Variants in RNF6 observed in about 807,000 individuals in gnomAD.
RNF6 encodes ring finger protein 6.
In RNF6, 21 loss-of-function variants were observed where a neutral mutation model predicts 50.1. The ratio of observed to expected loss-of-function variants is 0.42; its 90% CI spans 0.30 to 0.60. RNF6 has a LOEUF of 0.60. Ranked by LOEUF, RNF6 falls within the 20% of genes least tolerant of loss-of-function variation. RNF6 has a pLI of 0.20. For missense variants in RNF6, 698 were observed against 838.2 expected, an observed-to-expected ratio of 0.83 and a Z score of 2.07; for synonymous variants, 255 against 291.8, an observed-to-expected ratio of 0.87 and a Z score of 1.29.
At chr13:26,217,974 T>G (rs768002985) in intron 4 of RNF6, among the ~76,000 whole-genome samples, 1 of 152,244 alleles carries the variant, frequency 6.6e-6, no homozygotes, top group Non-Finnish European at 1.5e-5. Flanking sequence ...TATGTGAAAC[T>G]ACTAATAAAT....
intron 5 of RNF6, among the ~76,000 whole-genome samples, chr13:26,149,512 G>A (rs574676891): frequency 2.6e-5 from 4 of 151,994 alleles, no homozygotes; most frequent in South Asian, 2.1e-4. Context: ...GCGTGAACCC[G>A]GGAGGCGGAG....
At position 26,217,322 on chromosome 13, in the gene RNF6, T is replaced by C. The variant is rs1296291474; in HGVS notation, c.289+1189A>G. Among the ~76,000 whole-genome samples the C allele has an allele frequency of 3.3e-5, 5 of 152,236 alleles. No individual in the cohort carries two copies. In the East Asian group the frequency reaches 9.6e-4, roughly 29 times the overall value. ...TGAATTATTTTAAATGCTACTTCCTTCTTTGATTAACATTTGATTAAGTGT... is the reference window on the plus strand; with the variant it reads ...TGAATTATTTTAAATGCTACTTCCTCCTTTGATTAACATTTGATTAAGTGT... On this transcript the variant is annotated intron_variant, in intron 4 of 4. Transcript: ENST00000381588.
chr13:26,218,374 A>G (rs1370050002), intron 4 of RNF6, 137 bp downstream of exon 4: 10 of 642,866 alleles, frequency 1.6e-5, no homozygotes, highest in Non-Finnish European at 2.2e-5. Context: ...TTTACTACTC[A>G]TATATATATT....
chr13:26,205,989 A>G (rs1566433398), intron 5 of RNF6, among the ~76,000 whole-genome samples: 1 of 152,194 alleles, frequency 6.6e-6, no homozygotes, highest in Non-Finnish European at 1.5e-5. Flanking sequence ...CTCCAGCCTG[A>G]GAGACAGAGT....
Position 26,214,626 on chromosome 13 carries a change from T to C in RNF6, c.1256A>G (p.Asn419Ser). ...TAGCCCTACTCTGGATCGAGTTCTA[T>C]TTGCAATACTATCCCGATCTCTATT... is the stretch of plus-strand genomic sequence containing the variant. Reference protein sequence around the residue: ...GENRDRDSIANRTRSRVGLAE... With the variant: ...GENRDRDSIASRTRSRVGLAE... The change falls in exon 5 of 5, where the codon AAT becomes AGT. Residue 419 changes from asparagine to serine, a missense_variant. Physicochemically the swap from Asn to Ser is conservative, Grantham distance 46 (BLOSUM62 1). Coordinates refer to ENST00000381588, the MANE Select transcript of RNF6 (RefSeq NM_005977.4). 6.2e-7 allele frequency: 1 copy of C among 1,614,220 alleles called. No individual in the cohort carries two copies. The highest frequency in any genetic ancestry group is 1.3e-5 in the African/African-American group (1 of 75,050).
intron 5 of RNF6, among the ~76,000 whole-genome samples, chr13:26,182,990 T>G (rs1018965560): frequency 6.6e-6 from 1 of 152,222 alleles, no homozygotes; most frequent in African/African-American, 2.4e-5. Flanking sequence ...TTGTACCCTT[T>G]GGATACTGTG....
At chr13:26,180,250 C>T (rs1195519865) in intron 5 of RNF6, among the ~76,000 whole-genome samples, 2 of 152,154 alleles carry the variant, frequency 1.3e-5, no homozygotes, top group Non-Finnish European at 2.9e-5. Context: ...AGCATGTACA[C>T]CTATGCTGGG....
At chr13:26,181,869 G>T (rs1481487505) in intron 5 of RNF6, among the ~76,000 whole-genome samples, 1 of 152,124 alleles carries the variant, frequency 6.6e-6, no homozygotes, top group Non-Finnish European at 1.5e-5. Flanking sequence ...GACAAGAGCT[G>T]GTGCCTCCTC....
chr13:26,133,267 AT>A (rs1175187623), intron 5 of RNF6, among the ~76,000 whole-genome samples: 10 of 152,036 alleles, frequency 6.6e-5, no homozygotes, highest in African/African-American at 2.4e-4. Context: ...TGCTGTCAAC[AT>A]TTTCTGAAAT....
downstream of RNF6, among the ~76,000 whole-genome samples, chr13:26,208,829 T>C (rs927106621): frequency 4.6e-5 from 7 of 152,200 alleles, no homozygotes; most frequent in Non-Finnish European, 8.8e-5. Context: ...TGCACTGGTC[T>C]GAAATGCAAT....
At chr13:26,158,730 T>G (rs1198788021) in intron 5 of RNF6, among the ~76,000 whole-genome samples, 1 of 152,184 alleles carries the variant, frequency 6.6e-6, no homozygotes, top group African/African-American at 2.4e-5. Context: ...TGTGGGTGTG[T>G]GTGTGTGTAT....
chr13:26,203,926 C>T (rs138559746), intron 5 of RNF6, among the ~76,000 whole-genome samples: 1,688 of 152,242 alleles, frequency 0.011, 19 homozygotes, highest in Non-Finnish European at 0.018. Flanking sequence ...GCACTCCAGC[C>T]TGGGCGACAG....
intron 5 of RNF6, among the ~76,000 whole-genome samples, chr13:26,162,618 A>C (rs1289254280): frequency 6.6e-6 from 1 of 152,238 alleles, no homozygotes; most frequent in East Asian, 1.9e-4. Flanking sequence ...ATGGATGAGA[A>C]TACTATTTCC....
At chr13:26,217,841 T>C (rs899572520) in intron 4 of RNF6, among the ~76,000 whole-genome samples, 3 of 152,222 alleles carry the variant, frequency 2.0e-5, no homozygotes, top group Non-Finnish European at 2.9e-5. Context: ...GCTGAGTGGG[T>C]TCCAAGAGGA....
At chr13:26,177,720 G>A (rs1018214009) in intron 5 of RNF6, among the ~76,000 whole-genome samples, 2 of 152,100 alleles carry the variant, frequency 1.3e-5, no homozygotes, top group Non-Finnish European at 2.9e-5. Flanking sequence ...ATTGATAAAC[G>A]ATTTCCTCCT....
intron 5 of RNF6, among the ~76,000 whole-genome samples, chr13:26,175,832 C>G (rs1178764300): frequency 6.6e-6 from 1 of 152,108 alleles, no homozygotes; most frequent in Non-Finnish European, 1.5e-5. Context: ...TGGAAAACAA[C>G]AGAAATGCCT....
chr13:26,218,204 T>A (rs1870094359), intron 4 of RNF6, among the ~76,000 whole-genome samples: 1 of 152,198 alleles, frequency 6.6e-6, no homozygotes, highest in Non-Finnish European at 1.5e-5. Flanking sequence ...CTAAGTAATA[T>A]CACTTTAGAA....
chr13:26,169,215 T>C (rs7994386), intron 5 of RNF6, among the ~76,000 whole-genome samples: 124,693 of 151,584 alleles, frequency 0.82, 51,409 homozygotes, highest in Non-Finnish European at 0.86. Context: ...CCTCCCTGCT[T>C]CACAGACTCT....
intron 5 of RNF6, among the ~76,000 whole-genome samples, chr13:26,174,816 T>A (rs1178483328): frequency 6.6e-6 from 1 of 152,138 alleles, no homozygotes; most frequent in Non-Finnish European, 1.5e-5. Flanking sequence ...GGCTCCATGC[T>A]GTCCCTCCCC....
Sources: gnomAD v4.1 joint callset for allele counts (sites outside exome capture counted in the v4.1 genomes callset) on GRCh38, gnomAD v4.1.1 for gene constraint, MANE v1.5 for transcripts, NCBI Gene and HGNC (gene_info 2026-07-23, HGNC 2026-07-21) for gene names.